ABCA5: variants seen among roughly 807,000 people sequenced by gnomAD.
ABCA5 encodes the protein cholesterol transporter ABCA5.
A neutral mutation model predicts 206.0 loss-of-function variants in ABCA5; 163 were observed. That is an observed-to-expected ratio of 0.79 (90% CI 0.70 to 0.90). ABCA5 has a LOEUF of 0.90. ABCA5 is among the 40% of genes least tolerant of loss of function. The pLI, the probability that ABCA5 is intolerant of heterozygous loss-of-function variation, is 0.00. For missense variants in ABCA5, 1,859 were observed against 1,912.9 expected, an observed-to-expected ratio of 0.97 and a Z score of 0.53; for synonymous variants, 609 against 613.8, an observed-to-expected ratio of 0.99 and a Z score of 0.11.
chr17:69,254,719 T>G (rs1344954818), intron 31 of ABCA5, among the ~76,000 whole-genome samples: 3 of 152,146 alleles, frequency 2.0e-5, no homozygotes, highest in Non-Finnish European at 2.9e-5. Flanking sequence ...GGAAGATGTC[T>G]CACTACGTTG....
chr17:69,278,993 T>C (rs1050898226), intron 18 of ABCA5, among the ~76,000 whole-genome samples: 28 of 151,264 alleles, frequency 1.9e-4, no homozygotes, highest in Non-Finnish European at 4.0e-4. Context: ...GGATGCCCTC[T>C]CTCACCACTC....
intron 24 of ABCA5, among the ~76,000 whole-genome samples, chr17:69,262,196 CTTCT>C (rs959347567): frequency 3.3e-5 from 5 of 152,058 alleles, no homozygotes; most frequent in Non-Finnish European, 7.4e-5. Context: ...AAATCAGTCT[CTTCT>C]TTGATATTTT....
chr17:69,304,858 C>A, intron 6 of ABCA5, 48 bp from the exon 7 acceptor site: 2 of 1,414,100 alleles, frequency 1.4e-6, no homozygotes, highest in South Asian at 1.7e-5. Context: ...ATAGGCTTAA[C>A]CAGTTAAAAA....
rs1179307372 is a variant in ABCA5, at chr17:69,255,857, A to T, written c.3859-7T>A. 1.3e-6 allele frequency: 2 copies of T among 1,532,206 alleles called. No individual in the cohort carries two copies. Among genetic ancestry groups the T allele is most frequent in the Non-Finnish European group, 1.8e-6 (2 of 1,134,510 alleles). 94.9% of individuals were successfully genotyped at this position (1,532,206 alleles called of 1,614,324 possible). A position where few individuals can be genotyped will look rare whatever the true frequency, so the allele number is the denominator to read the frequency against. The stretch of plus-strand genomic sequence containing the variant: ...TGACCATAATGGATGGTTTCTAATA[A>T]GAAAAATTGTATTTAAAAAGAAAGT... On this transcript the variant is annotated splice_polypyrimidine_tract_variant and splice_region_variant and intron_variant, in intron 29 of 38. Transcript: ENST00000392676.
chr17:69,322,385 AAAG>A (rs2075872050), intron 1 of ABCA5, among the ~76,000 whole-genome samples: 1 of 150,396 alleles, frequency 6.6e-6, no homozygotes, highest in Admixed American at 6.6e-5. Context: ...AAAAAAAAAA[AAAG>A]TGCTGGTTAC....
In ABCA5 at chr17:69,315,580, T is replaced by A. The variant is rs780100649; in HGVS notation, c.-15-1150A>T. 3.7e-4 allele frequency among the ~76,000 whole-genome samples: 57 copies of A among 152,002 alleles called. 1 individual carries two copies. The highest frequency in any genetic ancestry group is 7.4e-5 in the Non-Finnish European group (5 of 67,980). On this transcript the variant is annotated intron_variant, in intron 1 of 38. Coordinates refer to ENST00000392676, the MANE Select transcript of ABCA5 (RefSeq NM_172232.4). ...TGGGCAGATCACGAAGTCAGGAGTT[T>A]GAGACCAGCCTGACCAACATGGTGA...
At chr17:69,273,011 A>G (rs918254694) in intron 20 of ABCA5, among the ~76,000 whole-genome samples, 3 of 152,224 alleles carry the variant, frequency 2.0e-5, no homozygotes, top group Admixed American at 1.3e-4. Flanking sequence ...AACTGATCAC[A>G]TATGAATAAA....
In ABCA5 at chr17:69,313,258, T is replaced by C; in HGVS notation, c.141A>G (p.Ile47Met). The change falls in exon 3 of 39, where the codon ATA (isoleucine) becomes ATG (methionine). Residue 47 changes from isoleucine to methionine, a missense_variant. Ile to Met is a conservative substitution (Grantham distance 10). Coordinates refer to ENST00000392676, the MANE Select transcript of ABCA5 (RefSeq NM_172232.4). ...TATTTGGATGCATCATGCTAATTAA[T>C]ATTAACCAAAATAAAAAAAATAGTG... is the stretch of plus-strand genomic sequence containing the variant. ...LFPLFFLFWL[I>M]LISMMHPNKK... 1 of 1,469,778 alleles carries C rather than the reference T, an allele frequency of 6.8e-7. No homozygotes were observed. The highest frequency in any genetic ancestry group is 9.4e-7 in the Non-Finnish European group (1 of 1,063,794). 91.0% of individuals were successfully genotyped at this position (1,469,778 alleles called of 1,614,324 possible). A position where few individuals can be genotyped will look rare whatever the true frequency, so the allele number is the denominator to read the frequency against.
chr17:69,255,328 C>A (rs1335295294), intron 31 of ABCA5, among the ~76,000 whole-genome samples: 2 of 152,154 alleles, frequency 1.3e-5, no homozygotes, highest in Non-Finnish European at 2.9e-5. Flanking sequence ...AGCAGAAATA[C>A]TGTATATGCG....
chr17:69,256,272 G>A lies in ABCA5; in HGVS notation c.3743C>T (p.Thr1248Met), dbSNP rs146451743. 1.4e-3 allele frequency: 2,211 copies of A among 1,592,382 alleles called. 4 individuals are homozygous for A. Among genetic ancestry groups the A allele is most frequent in the Non-Finnish European group, 1.7e-3 (1,994 of 1,166,814 alleles). ...RKDPFFRNLSTKSKNRKLPEP... is the reference protein window; with the variant it reads ...RKDPFFRNLSMKSKNRKLPEP... Reference sequence around the variant, plus strand: ...TGGAAGCTTCCTATTTTTAGACTTCGTTGAAAGGTTTCTACATATATATAA... The same window carrying A: ...TGGAAGCTTCCTATTTTTAGACTTCATTGAAAGGTTTCTACATATATATAA... Residue 1248 changes from threonine to methionine, a missense_variant, in exon 29 of 39, where the codon ACG becomes ATG. By Grantham distance (81) the Thr-to-Met change is moderately conservative. Transcript: ENST00000392676.
In ABCA5 at chr17:69,274,839, C is replaced by CTTTTTTTTTTTTTTTT. The variant is rs3052556; in HGVS notation, c.2595-727_2595-712dup. On this transcript the variant is annotated intron_variant, in intron 19 of 38. Transcript: ENST00000392676. Reference sequence around the variant, plus strand: ...GTCCTGTCTCTATCTTAACCATTTACTTTTTTTTTTTTTTTTTTTTTTGAG... The same window carrying CTTTTTTTTTTTTTTTT: ...GTCCTGTCTCTATCTTAACCATTTACTTTTTTTTTTTTTTTTTTTTTTTTTTTTTTTTTTTTTTGAG... Among the ~76,000 whole-genome samples the CTTTTTTTTTTTTTTTT allele has an allele frequency of 5.5e-4, 47 of 85,746 alleles. 5 individuals are homozygous for CTTTTTTTTTTTTTTTT. Among genetic ancestry groups the CTTTTTTTTTTTTTTTT allele is most frequent in the African/African-American group, 6.6e-4 (15 of 22,736 alleles). The allele number at this position is 85,746 out of a possible 152,430, so 56.3% of individuals were successfully genotyped here.
chr17:69,302,663 C>T, intron 8 of ABCA5, 55 bp downstream of exon 8: 3 of 1,257,308 alleles, frequency 2.4e-6, no homozygotes, highest in Non-Finnish European at 2.1e-6. Flanking sequence ...GTATAAGAAG[C>T]TACATAAAAC....
chr17:69,306,860 C>T lies in ABCA5; in HGVS notation c.653G>A (p.Arg218Gln), dbSNP rs559305999. 60 of 1,603,452 alleles carry T rather than the reference C, an allele frequency of 3.7e-5. No homozygotes were observed. Among genetic ancestry groups the T allele is most frequent in the Non-Finnish European group, 4.8e-5 (56 of 1,174,338 alleles). Reference sequence around the variant, plus strand: ...AACTAGGTATATTAAAATTACTCCTCGGGGAAAGGTATCTATTTCTACAAC... The same window carrying T: ...AACTAGGTATATTAAAATTACTCCTTGGGGAAAGGTATCTATTTCTACAAC... ...TAVVEIDTFP[R>Q]GVILIYLVIA... is the part of the protein sequence containing the mutation. The change falls in exon 6 of 39, where the codon CGA becomes CAA. Residue 218 changes from arginine (R) to glutamine (Q), a missense_variant. Transcript: ENST00000392676.
At chr17:69,259,542 C>T (rs555162569) in intron 28 of ABCA5, among the ~76,000 whole-genome samples, 164 bp downstream of exon 28, 12 of 152,016 alleles carry the variant, frequency 7.9e-5, no homozygotes, top group Non-Finnish European at 1.5e-4. Context: ...TTAGTGGTTA[C>T]CTAAGACTGG....
At position 69,261,120 on chromosome 17, in the gene ABCA5, A is replaced by G. The variant is rs767896924; in HGVS notation, c.3564+5T>C. 4 of 1,541,868 alleles carry G rather than the reference A, an allele frequency of 2.6e-6. No homozygotes were observed. The African/African-American group carries it at 5.5e-5, about 21-fold the overall frequency. ...TTAACATATTAAAATATTTAGCAGA[A>G]TTACCTTTATGAAAGAAATCAGGCA... is the stretch of plus-strand genomic sequence containing the variant. On this transcript the variant is annotated splice_donor_5th_base_variant and intron_variant, in intron 26 of 38. Coordinates refer to ENST00000392676, the MANE Select transcript of ABCA5 (RefSeq NM_172232.4).
intron 4 of ABCA5, among the ~76,000 whole-genome samples, chr17:69,309,002 C>T (rs2075745188): frequency 6.6e-6 from 1 of 151,916 alleles, no homozygotes; most frequent in South Asian, 2.1e-4. Flanking sequence ...ACCCAAAATG[C>T]AATTTTGCTT....
At chr17:69,261,312 C>G in intron 25 of ABCA5, 53 bp from the exon 26 acceptor site, 2 of 1,515,726 alleles carry the variant, frequency 1.3e-6, no homozygotes, top group Non-Finnish European at 1.8e-6. Context: ...AAACTTCTTA[C>G]AAATTGGTGT....
At chr17:69,302,597 T>C in intron 8 of ABCA5, 121 bp downstream of exon 8, 3 of 559,936 alleles carry the variant, frequency 5.4e-6, no homozygotes, top group Non-Finnish European at 8.2e-6. Flanking sequence ...CATTTCTTCC[T>C]CATGCTAAAA....
Position 69,255,726 on chromosome 17 carries a change from T to C in ABCA5, c.3976+7A>G, listed in dbSNP as rs767158680. On this transcript the variant is annotated splice_region_variant and intron_variant, in intron 30 of 38. Coordinates refer to ENST00000392676, the MANE Select transcript of ABCA5 (RefSeq NM_172232.4). ...AAAAGTTATGTAAGGAAAAATTAAA[T>C]ACCAGCCTTTTTTCACACAGAAAGA... 1 of 1,581,986 alleles carries C rather than the reference T, an allele frequency of 6.3e-7. No individual in the cohort carries two copies. Among genetic ancestry groups the C allele is most frequent in the South Asian group, 1.2e-5 (1 of 84,328 alleles).
Sources: allele counts gnomAD v4.1 joint callset (sites outside exome capture counted in the v4.1 genomes callset), GRCh38; gene constraint gnomAD v4.1.1; transcripts MANE v1.5; gene names NCBI Gene and HGNC (gene_info 2026-07-23, HGNC 2026-07-21).